Variants in MAN1A1 observed in about 807,000 individuals in gnomAD.
MAN1A1 encodes the protein mannosidase alpha class 1A member 1.
In MAN1A1, 29 loss-of-function variants were observed where a neutral mutation model predicts 70.8. The ratio of observed to expected loss-of-function variants is 0.41; its 90% CI spans 0.31 to 0.56. The LOEUF (loss-of-function observed/expected upper bound fraction) is 0.56. MAN1A1 is among the 20% of genes least tolerant of loss of function. The probability of loss-of-function intolerance (pLI) is 0.29; values close to 1 mark genes in which losing one functional copy is unlikely to be tolerated. For synonymous variants in MAN1A1, 349 were observed against 330.1 expected, an observed-to-expected ratio of 1.06 and a Z score of -0.62; for missense variants, 747 against 841.3, an observed-to-expected ratio of 0.89 and a Z score of 1.39.
At chr6:119,183,666 T>G (rs1367360118) in intron 11 of MAN1A1, among the ~76,000 whole-genome samples, 1 of 152,148 alleles carries the variant, frequency 6.6e-6, no homozygotes, top group Non-Finnish European at 1.5e-5. Flanking sequence ...TGCTCTAAGC[T>G]CCTTCTTTTG....
At chr6:119,282,073 C>CA (rs553795663) in intron 5 of MAN1A1, among the ~76,000 whole-genome samples, 1 of 151,908 alleles carries the variant, frequency 6.6e-6, no homozygotes, top group Admixed American at 6.6e-5. Flanking sequence ...TCTCAGAAAA[C>CA]AAACAAAACA....
At chr6:119,333,138 C>T (rs143813469) in intron 2 of MAN1A1, among the ~76,000 whole-genome samples, 10 of 152,304 alleles carry the variant, frequency 6.6e-5, no homozygotes, top group African/African-American at 2.4e-4. Flanking sequence ...ACGGGTGATG[C>T]ATGAGATTTC....
chr6:119,208,419 C>T (rs1326747022), intron 6 of MAN1A1, among the ~76,000 whole-genome samples: 5 of 152,128 alleles, frequency 3.3e-5, no homozygotes, highest in African/African-American at 1.2e-4. Flanking sequence ...TTAGAAACAT[C>T]TCTTTAAAGG....
intron 6 of MAN1A1, among the ~76,000 whole-genome samples, chr6:119,237,689 C>G (rs1774890925): frequency 6.6e-6 from 1 of 152,170 alleles, no homozygotes; most frequent in Non-Finnish European, 1.5e-5. Context: ...ATGATCCATT[C>G]TCTTGGGTGT....
chr6:119,206,284 A>G (rs1322760310), intron 6 of MAN1A1, among the ~76,000 whole-genome samples: 26 of 152,218 alleles, frequency 1.7e-4, no homozygotes, highest in Admixed American at 1.5e-3. Context: ...TTTCTAAGGT[A>G]GACCCCATCA....
chr6:119,234,415 A>C (rs574822621), intron 6 of MAN1A1, among the ~76,000 whole-genome samples: 2 of 152,268 alleles, frequency 1.3e-5, no homozygotes, highest in East Asian at 1.9e-4. Flanking sequence ...AACATTAAAA[A>C]AAATTTTTTT....
intron 2 of MAN1A1, among the ~76,000 whole-genome samples, chr6:119,345,595 C>A (rs1034363041): frequency 6.6e-6 from 1 of 152,102 alleles, no homozygotes; most frequent in Non-Finnish European, 1.5e-5. Context: ...CCCTAAGACA[C>A]GAAGTTGTTA....
intron 5 of MAN1A1, among the ~76,000 whole-genome samples, chr6:119,278,282 A>T (rs6922115): frequency 0.47 from 71,767 of 151,490 alleles, 17,354 homozygotes; most frequent in East Asian, 0.74. Flanking sequence ...ACAGGTATAG[A>T]TGCATTAAAA....
chr6:119,195,317 A>G (rs1360710354), intron 8 of MAN1A1, among the ~76,000 whole-genome samples: 4 of 152,110 alleles, frequency 2.6e-5, no homozygotes, highest in Admixed American at 1.3e-4. Flanking sequence ...CTCACTTGCT[A>G]TAAAGCCCTT....
At chr6:119,232,047 A>G (rs1160805022) in intron 6 of MAN1A1, among the ~76,000 whole-genome samples, 2 of 152,178 alleles carry the variant, frequency 1.3e-5, no homozygotes, top group Non-Finnish European at 2.9e-5. Flanking sequence ...GTAGGTACGT[A>G]GAATTCAACC....
At chr6:119,350,377 C>G, upstream of MAN1A1, 1 of 245,796 alleles carries the variant, frequency 4.1e-6, no homozygotes, top group South Asian at 1.5e-4. Context: ...TTTGAGCTCT[C>G]TGGTATAACA....
intron 3 of MAN1A1, among the ~76,000 whole-genome samples, chr6:119,304,090 T>G (rs1167266317): frequency 1.5e-5 from 1 of 68,850 alleles, no homozygotes; most frequent in Non-Finnish European, 3.6e-5. Flanking sequence ...TAAATATAAG[T>G]GAAAATTATT....
intron 6 of MAN1A1, among the ~76,000 whole-genome samples, chr6:119,216,390 T>C (rs935651412): frequency 6.6e-6 from 1 of 152,094 alleles, no homozygotes; most frequent in Non-Finnish European, 1.5e-5. Context: ...ACTGGAGCGA[T>C]GTTCGGGAGG....
At chr6:119,276,000 C>T (rs538832444) in intron 5 of MAN1A1, among the ~76,000 whole-genome samples, 83 of 152,308 alleles carry the variant, frequency 5.4e-4, no homozygotes, top group African/African-American at 1.9e-3. Context: ...ATACTGTGTA[C>T]TTGGCACACA....
At chr6:119,292,603 CAATT>C (rs905686584) in intron 4 of MAN1A1, among the ~76,000 whole-genome samples, 4 of 151,752 alleles carry the variant, frequency 2.6e-5, no homozygotes, top group African/African-American at 7.3e-5. Flanking sequence ...AAGAATCTAA[CAATT>C]AAAGTCAAGT....
chr6:119,304,671 G>A (rs540063441), intron 3 of MAN1A1, among the ~76,000 whole-genome samples: 2 of 152,100 alleles, frequency 1.3e-5, no homozygotes, highest in Non-Finnish European at 2.9e-5. Context: ...CAACATAGCT[G>A]GTGAGAAACA....
intron 6 of MAN1A1, among the ~76,000 whole-genome samples, chr6:119,235,299 C>T (rs965045755): frequency 4.6e-5 from 7 of 152,102 alleles, no homozygotes; most frequent in Admixed American, 4.6e-4. Context: ...GCCTCTTGTG[C>T]CAAACAGTTA....
At chr6:119,243,335 C>T (rs955943960) in intron 6 of MAN1A1, among the ~76,000 whole-genome samples, 24 of 151,898 alleles carry the variant, frequency 1.6e-4, no homozygotes, top group Non-Finnish European at 5.9e-5. Context: ...ATATAATATA[C>T]TTCTTTCAAA....
chr6:119,250,648 C>CTCTGTG (rs373911155), intron 5 of MAN1A1, among the ~76,000 whole-genome samples: 2 of 148,636 alleles, frequency 1.3e-5, no homozygotes, highest in South Asian at 2.1e-4. Context: ...TGTTCTCTCT[C>CTCTGTG]TGTGTGTGTG....
Sources: allele counts gnomAD v4.1 joint callset (sites outside exome capture counted in the v4.1 genomes callset), GRCh38; gene constraint gnomAD v4.1.1; transcripts MANE v1.5; gene names NCBI Gene and HGNC (gene_info 2026-07-23, HGNC 2026-07-21).